SERPINE2: variants seen among roughly 807,000 people sequenced by gnomAD.
SERPINE2 encodes the protein serpin family E member 2.
SERPINE2 carries 14 observed loss-of-function variants against 36.3 expected under a neutral mutation model. The observed-to-expected ratio is 0.39, with a 90% CI of 0.25 to 0.60. The LOEUF is 0.60. Among genes scored for constraint, SERPINE2 ranks in the 20% least tolerant of loss-of-function variants. SERPINE2 has a pLI of 0.57. For synonymous variants in SERPINE2, 192 were observed against 191.8 expected (o/e 1.00, Z -0.01); for missense variants, 418 against 499.6 (o/e 0.84, Z 1.56).
chr2:224,014,549 G>C (rs1018678073), intron 1 of SERPINE2, among the ~76,000 whole-genome samples: 1 of 152,202 alleles, frequency 6.6e-6, no homozygotes. Context: ...CGCCTGGGGC[G>C]AGAGTGGGAA....
chr2:224,031,362 C>A, intron 1 of SERPINE2: 11 of 985,448 alleles, frequency 1.1e-5, no homozygotes, highest in Non-Finnish European at 1.3e-5. Context: ...GAGAGGCAGG[C>A]ACGAGGCTCT....
intron 1 of SERPINE2, among the ~76,000 whole-genome samples, chr2:224,012,825 A>C (rs1691677543): frequency 6.6e-6 from 1 of 152,180 alleles, no homozygotes; most frequent in Admixed American, 6.5e-5. Flanking sequence ...TGTGTTCTAA[A>C]GGGGAGCAGA....
rs1051219467 is a variant in SERPINE2 at position 223,977,400 on chromosome 2, G to A, written c.1156+144C>T. The A allele has an allele frequency of 1.1e-5, 7 of 638,290 alleles. No individual in the cohort carries two copies. In the African/African-American group the frequency reaches 1.3e-4, roughly 12 times the overall value. 39.5% of individuals were successfully genotyped at this position (638,290 alleles called of 1,614,324 possible). A position where few individuals can be genotyped will look rare whatever the true frequency, so the allele number is the denominator to read the frequency against. On this transcript the variant is annotated intron_variant, in intron 8 of 8. Coordinates refer to ENST00000409304, the MANE Select transcript of SERPINE2 (RefSeq NM_001136528.2). ...CTTTATTTTCCTATCTCTTTAACAT[G>A]GGTGGTTATATTATTCAAAGTGTCT...
At chr2:223,994,768 T>C (rs1187034174) in intron 3 of SERPINE2, among the ~76,000 whole-genome samples, 1 of 152,184 alleles carries the variant, frequency 6.6e-6, no homozygotes, top group Non-Finnish European at 1.5e-5. Context: ...TGGTTGAACA[T>C]TTACTAAGTG....
intron 1 of SERPINE2, chr2:224,031,628 G>C (rs78281785): frequency 4.4e-5 from 17 of 383,216 alleles, no homozygotes; most frequent in Non-Finnish European, 6.1e-5. Flanking sequence ...ATCGGGACGA[G>C]CATGTGACCA....
At chr2:223,983,698 A>G (rs1381713651) in intron 5 of SERPINE2, among the ~76,000 whole-genome samples, 1 of 8,016 alleles carries the variant, frequency 1.2e-4, no homozygotes, top group Non-Finnish European at 4.6e-4. Context: ...ATATATGCAC[A>G]CACACACACA....
intron 4 of SERPINE2, among the ~76,000 whole-genome samples, chr2:223,991,060 C>A (rs1690645027): frequency 6.6e-6 from 1 of 152,178 alleles, no homozygotes; most frequent in Non-Finnish European, 1.5e-5. Context: ...TGAGACCTAT[C>A]TCTATTGACG....
intron 1 of SERPINE2, among the ~76,000 whole-genome samples, chr2:224,027,555 G>C (rs985029376): frequency 6.6e-6 from 1 of 152,174 alleles, no homozygotes; most frequent in Non-Finnish European, 1.5e-5. Context: ...AGGACTTAGG[G>C]ACAAGGTGGG....
intron 4 of SERPINE2, among the ~76,000 whole-genome samples, chr2:223,989,254 G>C (rs571481554): frequency 1.3e-5 from 2 of 152,150 alleles, no homozygotes; most frequent in South Asian, 4.1e-4. Flanking sequence ...CTCTCTTTTT[G>C]TTATCAAGCA....
chr2:224,037,072 A>G lies in SERPINE2; in HGVS notation c.-23+2027T>C, dbSNP rs544053673. 3.9e-5 allele frequency among the ~76,000 whole-genome samples: 6 copies of G among 152,268 alleles called. No homozygotes were observed. In the South Asian group the frequency reaches 1.2e-3, roughly 32 times the overall value. On this transcript the variant is annotated intron_variant, in intron 1 of 8. Coordinates refer to ENST00000409304, the MANE Select transcript of SERPINE2 (RefSeq NM_001136528.2). ...TTTACAACATATTATGTTTGCTTTT[A>G]GTTGGTTTTCTCCCACAAGAATGAC...
intron 1 of SERPINE2, among the ~76,000 whole-genome samples, chr2:224,027,010 AG>A (rs974460844): frequency 1.3e-5 from 2 of 152,204 alleles, no homozygotes; most frequent in African/African-American, 4.8e-5. Flanking sequence ...TTTAGTGGAG[AG>A]TCAAGTAAAA....
chr2:224,027,518 T>G (rs1692225350), intron 1 of SERPINE2, among the ~76,000 whole-genome samples: 1 of 152,116 alleles, frequency 6.6e-6, no homozygotes, highest in African/African-American at 2.4e-5. Context: ...ATCAACTCAT[T>G]TTGGCAACTG....
chr2:224,007,767 C>G (rs1167220607), intron 1 of SERPINE2, among the ~76,000 whole-genome samples: 1 of 152,108 alleles, frequency 6.6e-6, no homozygotes. Flanking sequence ...TCATTTTTAA[C>G]CTTGGAATTT....
chr2:224,002,011 C>G, intron 1 of SERPINE2, 89 bp from the exon 2 acceptor site: 7 of 1,233,078 alleles, frequency 5.7e-6, no homozygotes, highest in South Asian at 1.6e-5. Flanking sequence ...GAGACTCGTT[C>G]TTTCACCCAG....
chr2:224,001,937 T>TA lies in SERPINE2; in HGVS notation c.-22-16dup. The TA allele has an allele frequency of 1.3e-6, 2 of 1,587,120 alleles. No individual in the cohort carries two copies. Among genetic ancestry groups the TA allele is most frequent in the Non-Finnish European group, 1.7e-6 (2 of 1,166,708 alleles). ...CCAAGGACGACCTGGAAAAGTAAGT[T>TA]AAAAAATATTTAAATTATACTTAAA... On this transcript the variant is annotated splice_polypyrimidine_tract_variant and intron_variant, in intron 1 of 8. Transcript: ENST00000409304.
chr2:223,991,325 C>T (rs754911581), intron 4 of SERPINE2, among the ~76,000 whole-genome samples: 1 of 152,214 alleles, frequency 6.6e-6, no homozygotes, highest in Non-Finnish European at 1.5e-5. Flanking sequence ...GACCACAGAT[C>T]CCTGCCACGA....
Position 223,998,358 on chromosome 2 carries a change from G to C in SERPINE2, c.260-16C>G. ...TTACCAACTCCTAAAAGAGAAATCA[G>C]AAGATACAGCAATACTTCCATAAGA... is the stretch of plus-strand genomic sequence containing the variant. On this transcript the variant is annotated splice_polypyrimidine_tract_variant and intron_variant, in intron 2 of 8. Coordinates refer to ENST00000409304, the MANE Select transcript of SERPINE2 (RefSeq NM_001136528.2). 1 of 1,572,074 alleles carries C rather than the reference G, an allele frequency of 6.4e-7. No individual in the cohort carries two copies. The highest frequency in any genetic ancestry group is 2.2e-5 in the East Asian group (1 of 44,672).
At chr2:224,033,829 G>A (rs1190845880) in intron 1 of SERPINE2, among the ~76,000 whole-genome samples, 1 of 152,186 alleles carries the variant, frequency 6.6e-6, no homozygotes, top group Admixed American at 6.5e-5. Context: ...GTTCAGATGA[G>A]GATAACTGAA....
At chr2:224,023,748 A>G (rs922420439) in intron 1 of SERPINE2, among the ~76,000 whole-genome samples, 5 of 152,248 alleles carry the variant, frequency 3.3e-5, no homozygotes, top group Admixed American at 1.3e-4. Flanking sequence ...TTAGGTGACT[A>G]AAGGGCTACT....
Sources: gnomAD v4.1 joint callset for allele counts (sites outside exome capture counted in the v4.1 genomes callset) on GRCh38, gnomAD v4.1.1 for gene constraint, MANE v1.5 for transcripts, NCBI Gene and HGNC (gene_info 2026-07-23, HGNC 2026-07-21) for gene names.